The following RFX4 variants were observed in gnomAD, a reference collection of about 807,000 sequenced individuals.
The protein encoded by RFX4 is transcription factor RFX4.
RFX4 carries 10 observed loss-of-function variants against 95.0 expected under a neutral mutation model. The observed-to-expected ratio is 0.11, with a 90% confidence interval of 0.06 to 0.18. RFX4 has a LOEUF of 0.18. Ranked by LOEUF, RFX4 falls within the 10% of genes least tolerant of loss-of-function variation. RFX4 has a pLI of 1.00. For synonymous variants in RFX4, 321 were observed against 340.7 expected (o/e 0.94, Z 0.64); for missense variants, 640 against 922.0 (o/e 0.69, Z 3.96).
intron 2 of RFX4, among the ~76,000 whole-genome samples, chr12:106,624,459 G>A (rs1212372726): frequency 6.6e-6 from 1 of 152,056 alleles, no homozygotes; most frequent in East Asian, 1.9e-4. Context: ...CGAGCAGCTG[G>A]GACTACAGGA....
At chr12:106,601,668 C>T (rs992658056) in intron 1 of RFX4, among the ~76,000 whole-genome samples, 7 of 152,232 alleles carry the variant, frequency 4.6e-5, no homozygotes. Context: ...TTCTCCACTG[C>T]TTGAACACCA....
chr12:106,666,506 C>T (rs1029662757), intron 4 of RFX4, among the ~76,000 whole-genome samples: 1 of 151,996 alleles, frequency 6.6e-6, no homozygotes. Context: ...TTCTTTGCTT[C>T]TTTTCTCTCT....
intron 4 of RFX4, among the ~76,000 whole-genome samples, chr12:106,659,008 A>G (rs903864263): frequency 7.2e-5 from 11 of 152,348 alleles, no homozygotes; most frequent in Admixed American, 7.2e-4. Context: ...TAAACAAAAA[A>G]TAGCTTTGCT....
rs573379020 is a variant in RFX4, at chr12:106,595,012, T to A, written c.43+11649T>A. ...TTTTTTCAAAATTATTAGTTTCTTT[T>A]TTATACAAGTGAGTCCCTTTTGGAA... On this transcript the variant is annotated intron_variant, in intron 1 of 17. Coordinates refer to ENST00000392842, the MANE Select transcript of RFX4 (RefSeq NM_213594.3). Among the ~76,000 whole-genome samples, 4 of 152,326 alleles carry A rather than the reference T, an allele frequency of 2.6e-5. No homozygotes were observed. The East Asian group carries it at 5.8e-4, about 22-fold the overall frequency.
intron 3 of RFX4, among the ~76,000 whole-genome samples, chr12:106,648,006 C>G (rs1006163936): frequency 3.3e-5 from 5 of 152,192 alleles, no homozygotes; most frequent in East Asian, 3.9e-4. Flanking sequence ...TATGAGGAAC[C>G]ATGGCCATCC....
chr12:106,621,684 C>T (rs2040188352), intron 2 of RFX4, among the ~76,000 whole-genome samples: 1 of 152,200 alleles, frequency 6.6e-6, no homozygotes, highest in South Asian at 2.1e-4. Context: ...AAGTTCTCTT[C>T]TCTTTGGAAT....
At chr12:106,588,973 G>A (rs1031540757) in intron 1 of RFX4, among the ~76,000 whole-genome samples, 41 of 152,140 alleles carry the variant, frequency 2.7e-4, no homozygotes, top group African/African-American at 9.2e-4. Context: ...TTGGGATGCC[G>A]GACACTCAGG....
chr12:106,638,576 A>C (rs2040559297), intron 2 of RFX4, among the ~76,000 whole-genome samples: 1 of 152,228 alleles, frequency 6.6e-6, no homozygotes, highest in African/African-American at 2.4e-5. Flanking sequence ...TCAGGTTTTC[A>C]TAACAAAATA....
rs552611587 is a variant in RFX4 at position 106,721,385 on chromosome 12, C to G, written c.1351+509C>G. ...TCACTTTCCCTTTTGTTTCACTGAC[C>G]CTTTAAGTCTTCATCACCTCCAGGA... is the stretch of plus-strand genomic sequence containing the variant. On this transcript the variant is annotated intron_variant, in intron 13 of 17. Coordinates refer to ENST00000392842, the MANE Select transcript of RFX4 (RefSeq NM_213594.3). Among the ~76,000 whole-genome samples, 37 of 152,280 alleles carry G rather than the reference C, an allele frequency of 2.4e-4. 1 individual carries two copies. The East Asian group carries it at 6.2e-3, about 25-fold the overall frequency.
At chr12:106,624,827 T>C (rs2040258821) in intron 2 of RFX4, among the ~76,000 whole-genome samples, 1 of 152,024 alleles carries the variant, frequency 6.6e-6, no homozygotes, top group Non-Finnish European at 1.5e-5. Context: ...AAAACTGGGG[T>C]TTGATTAGCA....
intron 4 of RFX4, among the ~76,000 whole-genome samples, chr12:106,656,606 G>GCCCTGC (rs2040962640): frequency 6.6e-6 from 1 of 152,198 alleles, no homozygotes; most frequent in Admixed American, 6.5e-5. Flanking sequence ...GGGCTTACTG[G>GCCCTGC]CCCTGCCCCT....
intron 5 of RFX4, among the ~76,000 whole-genome samples, chr12:106,686,306 G>C (rs1360790667): frequency 2.6e-5 from 4 of 151,898 alleles, no homozygotes; most frequent in Non-Finnish European, 5.9e-5. Flanking sequence ...AGCTACTTAG[G>C]AGGCTGAGGC....
chr12:106,733,043 G>T lies in RFX4; in HGVS notation c.1591G>T (p.Val531Phe), dbSNP rs759770435. Residue 531 changes from valine to phenylalanine, a missense_variant, in exon 15 of 18, where the codon GTT becomes TTT. Around this residue, in one of 7 missense-constraint regions of RFX4, gnomAD observed 300 missense variants for 346.8 expected, o/e 0.87. Transcript: ENST00000392842. ...SVEVPPPSSP[V>F]SNPSPEYTGL... The stretch of plus-strand genomic sequence containing the variant: ...GGAAGTGCCACCTCCCTCTTCCCCT[G>T]TTAGCAATCCTTCCCCTGAGTACAC... The T allele has an allele frequency of 6.2e-7, 1 of 1,614,170 alleles. No homozygotes were observed. Among genetic ancestry groups the T allele is most frequent in the East Asian group, 2.2e-5 (1 of 44,884 alleles).
At chr12:106,680,454 G>A (rs2041483582) in intron 4 of RFX4, among the ~76,000 whole-genome samples, 1 of 152,192 alleles carries the variant, frequency 6.6e-6, no homozygotes, top group Non-Finnish European at 1.5e-5. Context: ...TAAACAGTAT[G>A]TCCCAGTTCA....
At chr12:106,637,940 C>A (rs2040545079) in intron 2 of RFX4, among the ~76,000 whole-genome samples, 1 of 151,922 alleles carries the variant, frequency 6.6e-6, no homozygotes, top group Non-Finnish European at 1.5e-5. Flanking sequence ...TTACCCACAC[C>A]CCCAAAATTA....
At chr12:106,605,347 C>T (rs1402777446) in intron 1 of RFX4, among the ~76,000 whole-genome samples, 3 of 152,140 alleles carry the variant, frequency 2.0e-5, no homozygotes, top group Non-Finnish European at 4.4e-5. Context: ...TAGAGGCCTT[C>T]CAGTCATAGG....
At chr12:106,758,841 C>G (rs543455212) in intron 17 of RFX4, among the ~76,000 whole-genome samples, 21 of 152,364 alleles carry the variant, frequency 1.4e-4, no homozygotes, top group African/African-American at 5.0e-4. Context: ...CTTCCACTAG[C>G]TTGCTGTGTG....
intron 1 of RFX4, among the ~76,000 whole-genome samples, chr12:106,605,965 G>A (rs924993503): frequency 1.3e-5 from 2 of 152,182 alleles, no homozygotes; most frequent in Non-Finnish European, 2.9e-5. Context: ...TCTCTCTCCA[G>A]TGTGGGATTG....
At chr12:106,752,873 C>G (rs1260859929) in intron 17 of RFX4, among the ~76,000 whole-genome samples, 1 of 152,120 alleles carries the variant, frequency 6.6e-6, no homozygotes, top group Non-Finnish European at 1.5e-5. Flanking sequence ...TAACACTTCC[C>G]TGTGCCTTGG....
Sources: gnomAD v4.1 joint callset for allele counts (sites outside exome capture counted in the v4.1 genomes callset) on GRCh38, gnomAD v4.1.1 for gene constraint, gnomAD v4.1.1 regional missense constraint, MANE v1.5 for transcripts, NCBI Gene and HGNC (gene_info 2026-07-23, HGNC 2026-07-21) for gene names.